The following TLN2 variants were observed in gnomAD, a reference collection of about 807,000 sequenced individuals.
TLN2 encodes the protein talin-2.
A neutral mutation model predicts 294.7 loss-of-function variants in TLN2; 118 were observed. That is an observed-to-expected ratio of 0.40 (90% confidence interval 0.34 to 0.47). The LOEUF (loss-of-function observed/expected upper bound fraction) is 0.47. Among genes scored for constraint, TLN2 ranks in the 20% least tolerant of loss-of-function variants. TLN2 has a pLI of 0.84. For synonymous variants in TLN2, 1,431 were observed against 1,304.5 expected (o/e 1.10, Z -2.09); for missense variants, 3,083 against 3,282.2 (o/e 0.94, Z 1.48).
intron 2 of TLN2, among the ~76,000 whole-genome samples, chr15:62,593,269 A>G (rs780849480): frequency 6.6e-6 from 1 of 152,184 alleles, no homozygotes; most frequent in Non-Finnish European, 1.5e-5. Context: ...GACTGTAGGC[A>G]TCATTTGGTC....
intron 1 of TLN2, among the ~76,000 whole-genome samples, chr15:62,408,921 A>G (rs1019062219): frequency 6.6e-6 from 1 of 151,862 alleles, no homozygotes; most frequent in African/African-American, 2.4e-5. Context: ...CGGCCTCCCA[A>G]AGTGCTGGGA....
chr15:62,530,583 C>T (rs961338095), intron 1 of TLN2, among the ~76,000 whole-genome samples: 4 of 151,816 alleles, frequency 2.6e-5, no homozygotes, highest in South Asian at 2.1e-4. Flanking sequence ...TCTCGAACTC[C>T]GGAGCTCATG....
intron 1 of TLN2, among the ~76,000 whole-genome samples, chr15:62,526,844 A>G (rs564147468): frequency 3.9e-5 from 6 of 152,236 alleles, no homozygotes; most frequent in South Asian, 2.1e-4. Flanking sequence ...TCCTTATCCT[A>G]TGTGCCTACA....
chr15:62,783,857 C>A lies in TLN2; in HGVS notation c.5703C>A (p.Gly1901=). 6.2e-7 allele frequency: 1 copy of A among 1,614,056 alleles called. No homozygotes were observed. Among genetic ancestry groups the A allele is most frequent in the African/African-American group, 1.3e-5 (1 of 75,038 alleles). ...TSDYGHLAFQ[G]QMAAATAEPE... ...ACTATGGGCACCTGGCTTTCCAGGG[C>A]CAGATGGCAGCAGCCACGGCGGAAC... Residue 1901 remains glycine, a synonymous_variant, in exon 45 of 59, where the codon GGC becomes GGA. Transcript: ENST00000636159.
intron 52 of TLN2, among the ~76,000 whole-genome samples, chr15:62,815,147 A>G (rs542678580): frequency 1.3e-5 from 2 of 151,956 alleles, no homozygotes; most frequent in African/African-American, 4.8e-5. Context: ...TTAAAAAGCA[A>G]TTAAAAACTG....
At chr15:62,694,567 C>T (rs543395008) in intron 14 of TLN2, among the ~76,000 whole-genome samples, 175 bp downstream of exon 14, 7 of 152,298 alleles carry the variant, frequency 4.6e-5, no homozygotes, top group South Asian at 2.1e-4. Flanking sequence ...AAGTGGCAGA[C>T]GTCTCGTGAG....
intron 57 of TLN2, among the ~76,000 whole-genome samples, chr15:62,838,622 G>T (rs889112716): frequency 6.6e-6 from 1 of 151,870 alleles, no homozygotes; most frequent in Admixed American, 6.6e-5. Context: ...AGTATTCCTT[G>T]GGGGTAACAG....
intron 1 of TLN2, among the ~76,000 whole-genome samples, chr15:62,475,317 T>G (rs1048013817): frequency 1.3e-5 from 2 of 152,236 alleles, no homozygotes; most frequent in Admixed American, 6.5e-5. Context: ...TTTTGGAATT[T>G]TCTAGCTGAA....
chr15:62,823,087 T>A (rs759227509), intron 54 of TLN2, among the ~76,000 whole-genome samples: 1 of 152,200 alleles, frequency 6.6e-6, no homozygotes, highest in African/African-American at 2.4e-5. Context: ...AAGGTTAACA[T>A]AACTGATGAT....
At chr15:62,634,352 G>A (rs2050188844) in intron 3 of TLN2, among the ~76,000 whole-genome samples, 1 of 152,162 alleles carries the variant, frequency 6.6e-6, no homozygotes, top group Non-Finnish European at 1.5e-5. Flanking sequence ...TGACTGGTCT[G>A]TGCAGTTCTT....
At chr15:62,546,752 G>A (rs2042014328) in intron 1 of TLN2, among the ~76,000 whole-genome samples, 2 of 152,176 alleles carry the variant, frequency 1.3e-5, no homozygotes, top group Middle Eastern at 3.2e-3. Context: ...AGAGCAAGGG[G>A]AGCTTTGAGA....
chr15:62,529,252 C>A (rs1016430252), intron 1 of TLN2, among the ~76,000 whole-genome samples: 3 of 151,980 alleles, frequency 2.0e-5, no homozygotes, highest in Non-Finnish European at 4.4e-5. Context: ...CACCACCATG[C>A]CCAGCTAATT....
chr15:62,412,589 G>A (rs569641341), intron 1 of TLN2, among the ~76,000 whole-genome samples: 5 of 152,284 alleles, frequency 3.3e-5, no homozygotes, highest in African/African-American at 9.6e-5. Flanking sequence ...CTGTCCCTGG[G>A]TAAAGACTTA....
intron 12 of TLN2, chr15:62,690,293 CG>C (rs941142979): frequency 6.7e-6 from 1 of 149,152 alleles, no homozygotes; most frequent in East Asian, 2.0e-4. Context: ...ACTTCTCAGA[CG>C]GGGCGGCCGG....
rs572052806 is a variant in TLN2 at position 62,537,852 on chromosome 15, T to C, written c.-237-51835T>C. Among the ~76,000 whole-genome samples, 86 of 152,292 alleles carry C rather than the reference T, an allele frequency of 5.6e-4. 1 individual carries two copies. The South Asian group carries it at 0.015, about 26-fold the overall frequency. The stretch of plus-strand genomic sequence containing the variant: ...TAAACAGGGCATCCTTTCCTTTTGA[T>C]AGTGTTGAGGAGGCTCCTCAGTGTC... On this transcript the variant is annotated intron_variant, in intron 1 of 58. Transcript: ENST00000636159.
At chr15:62,500,063 G>T (rs984510684) in intron 1 of TLN2, among the ~76,000 whole-genome samples, 1 of 152,118 alleles carries the variant, frequency 6.6e-6, no homozygotes, top group Non-Finnish European at 1.5e-5. Flanking sequence ...TAGGCCAGGC[G>T]CAGTGGCTCA....
At chr15:62,745,883 G>A (rs2061580778) in intron 32 of TLN2, among the ~76,000 whole-genome samples, 1 of 152,204 alleles carries the variant, frequency 6.6e-6, no homozygotes, top group Non-Finnish European at 1.5e-5. Flanking sequence ...ATTCGTGATA[G>A]CTAAATAATG....
chr15:62,744,404 ATTTTTTTT>A (rs71131126), intron 32 of TLN2, among the ~76,000 whole-genome samples: 1 of 125,058 alleles, frequency 8.0e-6, no homozygotes, highest in Non-Finnish European at 1.7e-5. Context: ...GTTATTTTTA[ATTTTTTTT>A]TTTTTTTTTT....
In TLN2 at chr15:62,708,507, G is replaced by A. The variant is rs759585724; in HGVS notation, c.2178G>A (p.Val726=). ...CTGTTCCTGTCTCACTTCAGGTTGT[G>A]AGCCCCACTATTAGCTCCCCTGTGT... ...TSQLVACAKV[V]SPTISSPVCQ... Residue 726 remains valine (V), a synonymous_variant, in exon 21 of 59, where the codon GTG becomes GTA. Transcript: ENST00000636159. 1.5e-5 allele frequency: 24 copies of A among 1,612,438 alleles called. No individual in the cohort carries two copies. The highest frequency in any genetic ancestry group is 1.7e-5 in the Non-Finnish European group (20 of 1,178,634).
Sources: allele counts gnomAD v4.1 joint callset (sites outside exome capture counted in the v4.1 genomes callset), GRCh38; gene constraint gnomAD v4.1.1; transcripts MANE v1.5; gene names NCBI Gene and HGNC (gene_info 2026-07-23, HGNC 2026-07-21).